SLC27A6: variants seen among roughly 807,000 people sequenced by gnomAD.
The protein encoded by SLC27A6 is solute carrier family 27 member 6, also known as long-chain fatty acid transport protein 6.
In SLC27A6, 74 loss-of-function variants were observed where a neutral mutation model predicts 63.9. The observed-to-expected ratio is 1.16, with a 90% confidence interval of 0.96 to 1.40. SLC27A6 has a LOEUF of 1.40. Ranked by LOEUF, SLC27A6 falls within the 40% of genes most tolerant of loss-of-function variation. The pLI is 0.00. For synonymous variants in SLC27A6, 287 were observed against 260.8 expected, an observed-to-expected ratio of 1.10 and a Z score of -0.97; for missense variants, 794 against 732.9, an observed-to-expected ratio of 1.08 and a Z score of -0.96.
chr5:129,021,628 A>T (rs990300617), intron 5 of SLC27A6, among the ~76,000 whole-genome samples: 1 of 152,294 alleles, frequency 6.6e-6, no homozygotes. Context: ...AAACATGTAC[A>T]TTTGGGAGAT....
At chr5:129,005,608 A>ATTTTTTT (rs34048257) in intron 4 of SLC27A6, among the ~76,000 whole-genome samples, 7 of 98,916 alleles carry the variant, frequency 7.1e-5, no homozygotes, top group East Asian at 3.0e-4. Context: ...GTCTGGTTGT[A>ATTTTTTT]TTTTTTTTTT....
At chr5:129,004,696 T>C (rs963503559) in intron 4 of SLC27A6, among the ~76,000 whole-genome samples, 1 of 152,230 alleles carries the variant, frequency 6.6e-6, no homozygotes, top group Non-Finnish European at 1.5e-5. Flanking sequence ...GATTGAGAAG[T>C]GGAGTTTTAA....
intron 1 of SLC27A6, among the ~76,000 whole-genome samples, chr5:128,976,194 G>A (rs1310375911): frequency 2.6e-5 from 4 of 151,946 alleles, no homozygotes; most frequent in African/African-American, 4.8e-5. Context: ...TTTATCTATC[G>A]GCATACATAA....
chr5:129,012,029 T>C (rs1442433660), intron 4 of SLC27A6, among the ~76,000 whole-genome samples: 1 of 151,844 alleles, frequency 6.6e-6, no homozygotes, highest in African/African-American at 2.4e-5. Context: ...GGTGTAAGTA[T>C]ATGCACATAC....
chr5:129,020,906 C>T (rs766340719), intron 5 of SLC27A6, among the ~76,000 whole-genome samples: 3 of 152,008 alleles, frequency 2.0e-5, no homozygotes, highest in Non-Finnish European at 4.4e-5. Flanking sequence ...GGTGAAGCTT[C>T]CAGTTATGCT....
intron 6 of SLC27A6, among the ~76,000 whole-genome samples, chr5:129,025,627 T>C (rs1561633246): frequency 6.6e-6 from 1 of 152,108 alleles, no homozygotes; most frequent in Non-Finnish European, 1.5e-5. Flanking sequence ...ATGACTATTA[T>C]GCAAAAAGTG....
At position 129,018,586 on chromosome 5, in the gene SLC27A6, G is replaced by A. The variant is rs73784825; in HGVS notation, c.1164+2507G>A. Reference sequence around the variant, plus strand: ...AAGTGCTGATTTTACTGAGTTTTACGTTCCTTGCAGTTAATTTTCTCAGTT... The same window carrying A: ...AAGTGCTGATTTTACTGAGTTTTACATTCCTTGCAGTTAATTTTCTCAGTT... On this transcript the variant is annotated intron_variant, in intron 5 of 9. Transcript: ENST00000262462. Among the ~76,000 whole-genome samples the A allele has an allele frequency of 8.9e-3, 1,355 of 152,092 alleles. 24 individuals are homozygous for A. The highest frequency in any genetic ancestry group is 0.031 in the African/African-American group (1,292 of 41,528).
intron 4 of SLC27A6, among the ~76,000 whole-genome samples, chr5:129,000,012 A>C (rs967241895): frequency 1.3e-5 from 2 of 152,190 alleles, no homozygotes; most frequent in African/African-American, 4.8e-5. Flanking sequence ...GAGCATCACT[A>C]GGGTGAAAGT....
intron 4 of SLC27A6, among the ~76,000 whole-genome samples, chr5:128,991,060 G>A (rs1294389160): frequency 4.6e-5 from 7 of 152,170 alleles, no homozygotes; most frequent in African/African-American, 9.7e-5. Context: ...CTCATACAAC[G>A]GGAGGCGACC....
chr5:129,019,237 A>G (rs1188876920), intron 5 of SLC27A6, among the ~76,000 whole-genome samples: 1 of 152,106 alleles, frequency 6.6e-6, no homozygotes, highest in African/African-American at 2.4e-5. Context: ...TAGTGACAAC[A>G]TATTTGAGAG....
rs185616019 is a variant in SLC27A6 at position 129,030,931 on chromosome 5, T to C, written c.1683+1224T>C. The stretch of plus-strand genomic sequence containing the variant: ...TAATTTCAAAATCTTTCCCCCATGT[T>C]GTCCTTTTACAACCATAGCGAGCTC... On this transcript the variant is annotated intron_variant, in intron 9 of 9. Coordinates refer to ENST00000262462, the MANE Select transcript of SLC27A6 (RefSeq NM_001017372.3). Among the ~76,000 whole-genome samples, 20 of 152,160 alleles carry C rather than the reference T, an allele frequency of 1.3e-4. 1 individual carries two copies. The highest frequency in any genetic ancestry group is 3.4e-3 in the Middle Eastern group (1 of 294).
rs200597840 is a variant in SLC27A6 at position 128,968,065 on chromosome 5, T to C, written c.481+1447T>C. On this transcript the variant is annotated intron_variant, in intron 1 of 9. Coordinates refer to ENST00000262462, the MANE Select transcript of SLC27A6 (RefSeq NM_001017372.3). ...CTCAGAATGATGGTTTCCAGCTTCA[T>C]CCATGTCCCTACAAAGGACATGAAC... Among the ~76,000 whole-genome samples, 3 of 152,174 alleles carry C rather than the reference T, an allele frequency of 2.0e-5. 1 individual carries two copies. The highest frequency in any genetic ancestry group is 4.1e-4 in the South Asian group (2 of 4,830).
At chr5:129,029,751 A>G (rs191874212) in intron 9 of SLC27A6, 44 bp downstream of exon 9, 1 of 1,530,560 alleles carries the variant, frequency 6.5e-7, no homozygotes, top group Admixed American at 2.1e-5. Context: ...AAGACAGTAA[A>G]CAAGGAAGTA....
chr5:129,015,838 A>G (rs1246920345), intron 4 of SLC27A6, 47 bp from the exon 5 acceptor site: 2 of 1,289,046 alleles, frequency 1.6e-6, no homozygotes, highest in Non-Finnish European at 2.2e-6. Flanking sequence ...ATAAAGAAAG[A>G]ATTAGAAACT....
intron 5 of SLC27A6, among the ~76,000 whole-genome samples, chr5:129,019,394 A>C (rs1247897515): frequency 6.6e-6 from 1 of 152,062 alleles, no homozygotes; most frequent in African/African-American, 2.4e-5. Flanking sequence ...GCAGCTGAAA[A>C]AAATGAATGC....
chr5:128,998,724 C>T (rs1751239718), intron 4 of SLC27A6, among the ~76,000 whole-genome samples: 1 of 152,086 alleles, frequency 6.6e-6, no homozygotes, highest in Non-Finnish European at 1.5e-5. Flanking sequence ...TATTCATTTG[C>T]TATTTTTCAC....
At chr5:128,973,854 G>A (rs529063525) in intron 1 of SLC27A6, among the ~76,000 whole-genome samples, 11 of 152,316 alleles carry the variant, frequency 7.2e-5, no homozygotes, top group South Asian at 6.2e-4. Context: ...CTTCTGCGTC[G>A]CTCACGCTAG....
intron 4 of SLC27A6, among the ~76,000 whole-genome samples, chr5:128,997,122 CTT>C (rs1751187219): frequency 1.3e-5 from 2 of 152,080 alleles, no homozygotes; most frequent in African/African-American, 2.4e-5. Flanking sequence ...TTTTGGAAAA[CTT>C]TTCCCACCAC....
Position 129,033,123 on chromosome 5 carries a change from A to G in SLC27A6, c.1701A>G (p.Thr567=). 6.2e-7 allele frequency: 1 copy of G among 1,606,802 alleles called. No homozygotes were observed. ...CTTTACAGGAAAAAATGGAAGCAAC[A>G]GGAACATTCAAACTATTGAAGCATC... ...FLRIQEKMEA[T]GTFKLLKHQL... The change falls in exon 10 of 10, where the codon ACA becomes ACG. Residue 567 remains threonine, a synonymous_variant. Transcript: ENST00000262462.
Sources: allele counts gnomAD v4.1 joint callset (sites outside exome capture counted in the v4.1 genomes callset), GRCh38; gene constraint gnomAD v4.1.1; transcripts MANE v1.5; gene names NCBI Gene and HGNC (gene_info 2026-07-23, HGNC 2026-07-21).